PPM1E: variants seen among roughly 807,000 people sequenced by gnomAD.
PPM1E encodes protein phosphatase 1E.
PPM1E carries 20 observed loss-of-function variants against 65.9 expected under a neutral mutation model. That is an observed-to-expected ratio of 0.30 (90% CI 0.21 to 0.44). The LOEUF (loss-of-function observed/expected upper bound fraction) is 0.44, where lower values mean the gene tolerates loss of function less well. Ranked by LOEUF, PPM1E falls within the 20% of genes least tolerant of loss-of-function variation. The pLI is 1.00. For synonymous variants in PPM1E, 352 were observed against 374.9 expected, an observed-to-expected ratio of 0.94 and a Z score of 0.70; for missense variants, 713 against 953.1, an observed-to-expected ratio of 0.75 and a Z score of 3.32.
rs116694488 is a variant in PPM1E, at chr17:58,926,543, G to A, written c.465-29106G>A. ...TGTTATAGTGTGTATATGTAAAGAA[G>A]CATAGTCAAATATGATACCCTTAGC... On this transcript the variant is annotated intron_variant, in intron 1 of 6. Coordinates refer to ENST00000308249, the MANE Select transcript of PPM1E (RefSeq NM_014906.5). 4.0e-3 allele frequency among the ~76,000 whole-genome samples: 615 copies of A among 152,116 alleles called. 8 individuals are homozygous for A. Among genetic ancestry groups the A allele is most frequent in the African/African-American group, 0.014 (578 of 41,510 alleles).
chr17:58,812,757 G>A lies in PPM1E; in HGVS notation c.464+56296G>A, dbSNP rs188809793. Among the ~76,000 whole-genome samples, 12 of 151,890 alleles carry A rather than the reference G, an allele frequency of 7.9e-5. No individual in the cohort carries two copies. In the East Asian group the frequency reaches 1.9e-3, roughly 24 times the overall value. Reference sequence around the variant, plus strand: ...TTGTTTTTGTTTTTTAGTAGAGATCGGGTTTTGCCATGTTGGCCAGGCTGG... The same window carrying A: ...TTGTTTTTGTTTTTTAGTAGAGATCAGGTTTTGCCATGTTGGCCAGGCTGG... On this transcript the variant is annotated intron_variant, in intron 1 of 6. Transcript: ENST00000308249.
intron 2 of PPM1E, 86 bp downstream of exon 2, chr17:58,955,853 A>G (rs1477065594): frequency 2.9e-6 from 4 of 1,387,882 alleles, no homozygotes; most frequent in Non-Finnish European, 3.8e-6. Flanking sequence ...AAAATACTAA[A>G]TCTAATTACA....
chr17:58,914,933 T>A (rs1379871170), intron 1 of PPM1E, among the ~76,000 whole-genome samples: 2 of 152,250 alleles, frequency 1.3e-5, no homozygotes, highest in East Asian at 3.9e-4. Context: ...TTTTGTAGTG[T>A]CCATATGGGG....
chr17:58,805,990 C>CAAAAAAAAAAA (rs1168126201), intron 1 of PPM1E, among the ~76,000 whole-genome samples: 1 of 71,370 alleles, frequency 1.4e-5, no homozygotes, highest in Non-Finnish European at 2.6e-5. Flanking sequence ...AAAAACAAAA[C>CAAAAAAAAAAA]AAAACAAAAC....
intron 1 of PPM1E, among the ~76,000 whole-genome samples, chr17:58,867,309 A>G (rs1376089581): frequency 6.6e-6 from 1 of 152,210 alleles, no homozygotes; most frequent in African/African-American, 2.4e-5. Flanking sequence ...CGCAAAAATC[A>G]TGTTACTCAA....
chr17:58,782,030 A>G (rs1291474953), intron 1 of PPM1E, among the ~76,000 whole-genome samples: 1 of 152,192 alleles, frequency 6.6e-6, no homozygotes, highest in Non-Finnish European at 1.5e-5. Flanking sequence ...TAGAACAGAT[A>G]AAGGATTAAA....
chr17:58,793,448 C>T (rs1203968862), intron 1 of PPM1E, among the ~76,000 whole-genome samples: 11 of 151,624 alleles, frequency 7.3e-5, no homozygotes, highest in Admixed American at 3.9e-4. Flanking sequence ...CTCCGCCTCC[C>T]GAGTTCATGC....
At position 58,983,065 on chromosome 17, in the gene PPM1E, GA is replaced by G; in HGVS notation, c.*2039del. 3 of 728,480 alleles carry G rather than the reference GA, an allele frequency of 4.1e-6. No homozygotes were observed. Among genetic ancestry groups the G allele is most frequent in the South Asian group, 2.1e-5 (1 of 47,610 alleles). 45.1% of individuals were successfully genotyped at this position (728,480 alleles called of 1,614,324 possible). On this transcript the variant is annotated 3_prime_UTR_variant, in exon 7 of 7. Transcript: ENST00000308249. ...TTGATCAGAATAAAGAGGGTAAAGG[GA>G]AAAAGTTACTACACATGCTAGGCTT...
intron 2 of PPM1E, among the ~76,000 whole-genome samples, 171 bp downstream of exon 2, chr17:58,955,938 G>A (rs2029872839): frequency 6.6e-6 from 1 of 152,122 alleles, no homozygotes. Context: ...TCAATAAAAG[G>A]AAGGGAAGAA....
chr17:58,765,877 C>CT lies in PPM1E; in HGVS notation c.464+9435dup, dbSNP rs35401844. Among the ~76,000 whole-genome samples, 351 of 122,852 alleles carry CT rather than the reference C, an allele frequency of 2.9e-3. 1 individual carries two copies. Among genetic ancestry groups the CT allele is most frequent in the African/African-American group, 4.5e-3 (151 of 33,450 alleles). The allele number at this position is 122,852 out of a possible 152,430, so 80.6% of individuals were successfully genotyped here. On this transcript the variant is annotated intron_variant, in intron 1 of 6. Coordinates refer to ENST00000308249, the MANE Select transcript of PPM1E (RefSeq NM_014906.5). The stretch of plus-strand genomic sequence containing the variant: ...CTGGTCTTTAATATTTTTGTAGTTT[C>CT]TTTTTTTTTTTTTTTTTTTCCAAGA...
chr17:58,863,692 T>C (rs962829327), intron 1 of PPM1E, among the ~76,000 whole-genome samples: 7 of 152,162 alleles, frequency 4.6e-5, no homozygotes, highest in Non-Finnish European at 1.0e-4. Context: ...GCAGAGATTT[T>C]ATTGAGCAAT....
At chr17:58,962,213 G>T (rs563362216) in intron 2 of PPM1E, among the ~76,000 whole-genome samples, 85 of 152,046 alleles carry the variant, frequency 5.6e-4, no homozygotes, top group African/African-American at 2.0e-3. Flanking sequence ...GAACCTGGGA[G>T]GCGGAGGTTG....
chr17:58,980,307 G>A lies in PPM1E; in HGVS notation c.1544G>A (p.Gly515Asp). ...TCTTTTCAAGGAGGGCAAGAAGATG[G>A]TGGGGATGATAAGGAGAATCATGGA... ...ENSFQGGQEDGGDDKENHGEC... is the reference protein window; with the variant it reads ...ENSFQGGQEDDGDDKENHGEC... The change falls in exon 7 of 7, where the codon GGT becomes GAT. Residue 515 changes from glycine (G) to aspartate (D), a missense_variant. Physicochemically the swap from Gly to Asp is moderately conservative, Grantham distance 94. Coordinates refer to ENST00000308249, the MANE Select transcript of PPM1E (RefSeq NM_014906.5). This position sits in a 1 kb window ranked among gnomAD's most constrained non-coding sequence, Gnocchi z 4.7. 1 of 1,614,176 alleles carries A rather than the reference G, an allele frequency of 6.2e-7. No homozygotes were observed. Among genetic ancestry groups the A allele is most frequent in the Non-Finnish European group, 8.5e-7 (1 of 1,180,042 alleles).
intron 1 of PPM1E, among the ~76,000 whole-genome samples, chr17:58,855,747 C>A (rs1009634429): frequency 1.3e-5 from 2 of 152,114 alleles, no homozygotes; most frequent in Non-Finnish European, 2.9e-5. Context: ...ATAATAGTAA[C>A]AAACCATCCT....
intron 2 of PPM1E, among the ~76,000 whole-genome samples, chr17:58,959,475 TGTAGTCC>T: frequency 6.6e-6 from 1 of 151,748 alleles, no homozygotes; most frequent in Non-Finnish European, 1.5e-5. Flanking sequence ...GGCGGGCGCC[TGTAGTCC>T]CAGCTACTCA....
Position 58,798,067 on chromosome 17 carries a change from A to G in PPM1E, c.464+41606A>G, listed in dbSNP as rs150068657. On this transcript the variant is annotated intron_variant, in intron 1 of 6. Coordinates refer to ENST00000308249, the MANE Select transcript of PPM1E (RefSeq NM_014906.5). Reference sequence around the variant, plus strand: ...CTTTTCATGTGCTTATTAGCCATTTATATAACTTCATTTGTAAAGTGTCCA... The same window carrying G: ...CTTTTCATGTGCTTATTAGCCATTTGTATAACTTCATTTGTAAAGTGTCCA... Among the ~76,000 whole-genome samples the G allele has an allele frequency of 5.3e-3, 803 of 152,282 alleles. 6 individuals carry two copies. Among genetic ancestry groups the G allele is most frequent in the South Asian group, 0.013 (61 of 4,828 alleles).
intron 1 of PPM1E, among the ~76,000 whole-genome samples, chr17:58,851,222 A>G (rs1255319902): frequency 3.3e-5 from 5 of 151,878 alleles, no homozygotes; most frequent in Admixed American, 6.6e-5. Flanking sequence ...GGGTTCGAAC[A>G]CCCTCCTGTA....
chr17:58,866,005 C>T (rs998922625), intron 1 of PPM1E, among the ~76,000 whole-genome samples: 1 of 152,156 alleles, frequency 6.6e-6, no homozygotes, highest in African/African-American at 2.4e-5. Context: ...AAACTTTAAG[C>T]CAGTGTCTTC....
chr17:58,851,646 C>T (rs916838818), intron 1 of PPM1E, among the ~76,000 whole-genome samples: 2 of 152,160 alleles, frequency 1.3e-5, no homozygotes, highest in Non-Finnish European at 2.9e-5. Flanking sequence ...CTGGAAGTTT[C>T]GTCTCAGAGG....
Sources: allele counts gnomAD v4.1 joint callset (sites outside exome capture counted in the v4.1 genomes callset), GRCh38; gene constraint gnomAD v4.1.1; non-coding constraint Gnocchi (gnomAD v3.1); transcripts MANE v1.5; gene names NCBI Gene and HGNC (gene_info 2026-07-23, HGNC 2026-07-21).